PKD1: variants seen among roughly 807,000 people sequenced by gnomAD.
PKD1 encodes the protein polycystin-1.
In PKD1, 81 loss-of-function variants were observed where a neutral mutation model predicts 361.7. The observed-to-expected ratio is 0.22, with a 90% confidence interval of 0.19 to 0.27. The LOEUF (loss-of-function observed/expected upper bound fraction) is 0.27. PKD1 is among the 10% of genes least tolerant of loss of function. The pLI is 1.00. For missense variants in PKD1, 6,399 were observed against 6,118.3 expected (o/e 1.05, Z -1.53); for synonymous variants, 3,615 against 2,818.3 (o/e 1.28, Z -8.95).
Position 2,089,495 on chromosome 16 carries a change from T to TC in PKD1, c.*231dup, listed in dbSNP as rs2091351890. On this transcript the variant is annotated 3_prime_UTR_variant, in exon 46 of 46. Transcript: ENST00000262304. ...TTAGCATCTCAGAGGCTAGAAACCG[T>TC]CCAATACTGCTGTGTCCTTCCCAAG... 1.7e-6 allele frequency: 1 copy of TC among 592,084 alleles called. No individual in the cohort carries two copies. Among genetic ancestry groups the TC allele is most frequent in the Admixed American group, 3.0e-5 (1 of 33,816 alleles). 36.7% of individuals were successfully genotyped at this position (592,084 alleles called of 1,614,324 possible).
chr16:2,089,281 C>A lies in PKD1; in HGVS notation c.*446G>T. On this transcript the variant is annotated 3_prime_UTR_variant, in exon 46 of 46. Coordinates refer to ENST00000262304, the MANE Select transcript of PKD1 (RefSeq NM_001009944.3). ...ACACATTTTAACACCATATAAATTA[C>A]TGACACGAGACACACAGTGAGACGG... 4.8e-6 allele frequency: 1 copy of A among 208,534 alleles called. No individual in the cohort carries two copies. Among genetic ancestry groups the A allele is most frequent in the South Asian group, 1.2e-4 (1 of 8,584 alleles). The allele number at this position is 208,534 out of a possible 1,614,324, so 12.9% of individuals were successfully genotyped here.
chr16:2,102,319 G>A, intron 25 of PKD1, 62 bp downstream of exon 25: 1 of 1,506,718 alleles, frequency 6.6e-7, no homozygotes, highest in Non-Finnish European at 9.0e-7. Flanking sequence ...TCAGGATAGA[G>A]CCGAGCCCAC....
intron 20 of PKD1, 151 bp from the exon 21 acceptor site, chr16:2,105,625 C>CA: frequency 6.4e-7 from 1 of 1,554,478 alleles, no homozygotes; most frequent in Non-Finnish European, 8.7e-7. Flanking sequence ...TCTTCATGGG[C>CA]AAAACAGGGT....
intron 30 of PKD1, among the ~76,000 whole-genome samples, chr16:2,098,444 C>G (rs2091943567): frequency 6.7e-6 from 1 of 149,790 alleles, no homozygotes; most frequent in South Asian, 2.1e-4. Context: ...CTCCTGACCT[C>G]AAGTGATCTG....
chr16:2,104,527 G>A lies in PKD1; in HGVS notation c.8132C>T (p.Ala2711Val), dbSNP rs758016621. The change falls in exon 22 of 46, where the codon GCC becomes GTC. Residue 2711 changes from alanine to valine, a missense_variant. Transcript: ENST00000262304. ...GATGTTGAGGATGCTGTCTCCGATG[G>A]CGGTGGGCGTCACGGTGCCCGCGGT... ...ETTAGTVTPT[A>V]IGDSILNITG... 5 of 1,563,174 alleles carry A rather than the reference G, an allele frequency of 3.2e-6. No homozygotes were observed. Among genetic ancestry groups the A allele is most frequent in the Middle Eastern group, 2.3e-4 (1 of 4,382 alleles).
chr16:2,109,791 G>A lies in PKD1; in HGVS notation c.5376C>T (p.Ala1792=), dbSNP rs1426695051. The change falls in exon 15 of 46, where the codon GCC becomes GCT. Residue 1792 remains alanine, a synonymous_variant. Transcript: ENST00000262304. ...GCACCTGCACATCCACTTCCACGGT[G>A]GCGTTGGCTGAGCCCAGCGGGTTCC... ...TAGNPLGSAN[A]TVEVDVQVPV... The A allele has an allele frequency of 2.5e-6, 4 of 1,610,102 alleles. No homozygotes were observed. The highest frequency in any genetic ancestry group is 1.1e-5 in the South Asian group (1 of 90,944).
rs991927470 is a variant in PKD1, at chr16:2,108,052, G to A, written c.6916-20C>T. 1.1e-5 allele frequency: 17 copies of A among 1,571,846 alleles called. No individual in the cohort carries two copies. The highest frequency in any genetic ancestry group is 1.5e-5 in the Non-Finnish European group (17 of 1,160,984). The stretch of plus-strand genomic sequence containing the variant: ...CTCCCTCTGCAGGCCGAGAACAAGG[G>A]GCGACGTGGCCTGAGAGCCCCATCC... On this transcript the variant is annotated intron_variant, in intron 15 of 45. Transcript: ENST00000262304.
intron 1 of PKD1, among the ~76,000 whole-genome samples, chr16:2,124,282 G>A (rs1362496054): frequency 5.3e-5 from 8 of 152,232 alleles, no homozygotes; most frequent in Non-Finnish European, 5.9e-5. Context: ...GGGTCTGCCC[G>A]CCACCCGGGC....
At position 2,110,915 on chromosome 16, in the gene PKD1, T is replaced by A. The variant is rs780408550; in HGVS notation, c.4252A>T (p.Thr1418Ser). ...GCACGGGTGGGGGCGGCTTCCTCGG[T>A]GCCAAAGTCCCAGGTGTAGCGGTAG... ...FPYRYTWDFGTEEAAPTRARG... is the reference protein window; with the variant it reads ...FPYRYTWDFGSEEAAPTRARG... Residue 1418 changes from threonine to serine, a missense_variant, in exon 15 of 46, where the codon ACC (threonine) becomes TCC (serine). Transcript: ENST00000262304. 40 of 1,611,132 alleles carry A rather than the reference T, an allele frequency of 2.5e-5. No individual in the cohort carries two copies. The African/African-American group carries it at 4.9e-4, about 20-fold the overall frequency.
intron 1 of PKD1, among the ~76,000 whole-genome samples, chr16:2,125,047 C>A (rs1465804961): frequency 6.6e-6 from 1 of 152,218 alleles, no homozygotes; most frequent in East Asian, 1.9e-4. Context: ...GGCAGTGCCA[C>A]CCCCACTGCG....
chr16:2,092,790 C>T (rs1034153829), intron 38 of PKD1, 164 bp downstream of exon 38: 31 of 905,700 alleles, frequency 3.4e-5, no homozygotes, highest in African/African-American at 2.0e-4. Context: ...CTGCAAGACA[C>T]GGACCTGTGT....
intron 11 of PKD1, chr16:2,113,643 G>A (rs1454545995): frequency 9.6e-6 from 4 of 418,112 alleles, no homozygotes; most frequent in Non-Finnish European, 1.8e-5. Flanking sequence ...GGAGCAGTGA[G>A]GGGAGGCACC....
intron 34 of PKD1, 146 bp from the exon 35 acceptor site, chr16:2,094,356 G>A (rs907365668): frequency 4.1e-5 from 28 of 676,230 alleles, no homozygotes; most frequent in South Asian, 2.6e-4. Context: ...TACCCCAAAC[G>A]AGAGTGGGAG....
In PKD1 at chr16:2,118,534, C is replaced by G; in HGVS notation, c.530-72G>C. ...CACCCCACGCCCCCACATCCGCCCG[C>G]CGCACTCACAGGCTCCCATGCTGTT... On this transcript the variant is annotated intron_variant, in intron 4 of 45. Coordinates refer to ENST00000262304, the MANE Select transcript of PKD1 (RefSeq NM_001009944.3). The surrounding 1 kb of genome is among the most constrained non-coding windows in gnomAD (Gnocchi z 6.0). 1 of 1,340,676 alleles carries G rather than the reference C, an allele frequency of 7.5e-7. No individual in the cohort carries two copies. Among genetic ancestry groups the G allele is most frequent in the Non-Finnish European group, 1.0e-6 (1 of 969,796 alleles). 83.0% of individuals were successfully genotyped at this position (1,340,676 alleles called of 1,614,324 possible).
In PKD1 at chr16:2,090,933, G is replaced by T; in HGVS notation, c.11954C>A (p.Ser3985Tyr). The change falls in exon 43 of 46, where the codon TCC (serine) becomes TAC (tyrosine). Residue 3985 changes from serine to tyrosine, a missense_variant. Coordinates refer to ENST00000262304, the MANE Select transcript of PKD1 (RefSeq NM_001009944.3). ...CGAGGCCGCCAGGCCACGGGCTGCG[G>T]AGCTCAGCTGCGCCACCTGGTCGAA... ...TSFDQVAQLS[S>Y]AARGLAASLL... 4 of 1,576,398 alleles carry T rather than the reference G, an allele frequency of 2.5e-6. No individual in the cohort carries two copies. The highest frequency in any genetic ancestry group is 2.6e-6 in the Non-Finnish European group (3 of 1,168,018).
intron 1 of PKD1, among the ~76,000 whole-genome samples, chr16:2,121,029 A>G: frequency 6.6e-6 from 1 of 152,074 alleles, no homozygotes. Context: ...AGAAAAAAAA[A>G]AGAAAAGAAA....
chr16:2,111,401 G>C lies in PKD1; in HGVS notation c.3766C>G (p.Pro1256Ala), dbSNP rs745647957. Residue 1256 changes from proline to alanine, a missense_variant, in exon 15 of 46, where the codon CCG becomes GCG. By Grantham distance (27) the Pro-to-Ala change is conservative. Coordinates refer to ENST00000262304, the MANE Select transcript of PKD1 (RefSeq NM_001009944.3). ...DMGDGTVLSG[P>A]EATVEHVYLR... ...TACACATGCTCCACTGTTGCCTCCG[G>C]GCCCGACAGCACGGTGCCGTCCCCC... 6.2e-7 allele frequency: 1 copy of C among 1,611,662 alleles called. No homozygotes were observed. Among genetic ancestry groups the C allele is most frequent in the South Asian group, 1.1e-5 (1 of 91,050 alleles).
intron 20 of PKD1, 177 bp from the exon 21 acceptor site, chr16:2,105,651 C>A (rs2092311665): frequency 6.8e-7 from 1 of 1,470,694 alleles, no homozygotes; most frequent in South Asian, 1.2e-5. Context: ...CATGGGCCCT[C>A]CTGGGCGGGG....
rs546293295 is a variant in PKD1 at position 2,105,921 on chromosome 16, C to A, written c.7807G>T (p.Ala2603Ser). The change falls in exon 20 of 46, where the codon GCC becomes TCC. Residue 2603 changes from alanine to serine, a missense_variant. Ala to Ser is a moderately conservative substitution (Grantham distance 99). Coordinates refer to ENST00000262304, the MANE Select transcript of PKD1 (RefSeq NM_001009944.3). ...ASVLPGLLRQADPQHVIEYSL... is the reference protein window; with the variant it reads ...ASVLPGLLRQSDPQHVIEYSL... ...TACTCGATGACGTGCTGGGGATCGGCCTGCCGCAGCAGCCCTGGGAGCACA... is the reference window on the plus strand; with the variant it reads ...TACTCGATGACGTGCTGGGGATCGGACTGCCGCAGCAGCCCTGGGAGCACA... 18 of 1,597,214 alleles carry A rather than the reference C, an allele frequency of 1.1e-5. No individual in the cohort carries two copies. The East Asian group carries it at 3.8e-4, about 34-fold the overall frequency.
Sources: allele counts gnomAD v4.1 joint callset (sites outside exome capture counted in the v4.1 genomes callset), GRCh38; gene constraint gnomAD v4.1.1; non-coding constraint Gnocchi (gnomAD v3.1); transcripts MANE v1.5; gene names NCBI Gene and HGNC (gene_info 2026-07-23, HGNC 2026-07-21).